Variants in CHD6 observed in about 807,000 individuals in gnomAD.
The protein encoded by CHD6 is chromodomain helicase DNA binding protein 6.
A neutral mutation model predicts 276.9 loss-of-function variants in CHD6; 50 were observed. That is an observed-to-expected ratio of 0.18 (90% CI 0.14 to 0.23). The LOEUF is 0.23. Among genes scored for constraint, CHD6 ranks in the 10% least tolerant of loss-of-function variants. CHD6 has a pLI of 1.00. For missense variants in CHD6, 2,564 were observed against 3,365.8 expected (o/e 0.76, Z 5.89); for synonymous variants, 1,173 against 1,229.3 (o/e 0.95, Z 0.96).
chr20:41,500,400 A>G (rs892863130), intron 5 of CHD6, among the ~76,000 whole-genome samples: 2 of 152,196 alleles, frequency 1.3e-5, no homozygotes, highest in African/African-American at 4.8e-5. Flanking sequence ...CATATGGCAG[A>G]AAAGAATTAT....
intron 5 of CHD6, among the ~76,000 whole-genome samples, chr20:41,506,496 C>CA (rs2043979972): frequency 6.6e-6 from 1 of 152,148 alleles, no homozygotes; most frequent in Non-Finnish European, 1.5e-5. Flanking sequence ...ATTATTTGCT[C>CA]AAATATTATA....
intron 1 of CHD6, among the ~76,000 whole-genome samples, chr20:41,612,076 G>A (rs2045892895): frequency 6.6e-6 from 1 of 151,908 alleles, no homozygotes; most frequent in Admixed American, 6.6e-5. Context: ...TGAATTTCCA[G>A]GAAAAAATAA....
intron 1 of CHD6, among the ~76,000 whole-genome samples, chr20:41,571,974 T>C (rs982726197): frequency 1.3e-5 from 2 of 152,208 alleles, no homozygotes; most frequent in East Asian, 1.9e-4. Flanking sequence ...CTTCTAACAA[T>C]GTAGATTAGT....
At chr20:41,594,724 C>A (rs1601179485) in intron 1 of CHD6, among the ~76,000 whole-genome samples, 2 of 152,314 alleles carry the variant, frequency 1.3e-5, no homozygotes, top group Admixed American at 6.5e-5. Flanking sequence ...CTGTAAACAA[C>A]CCTTCCCAAC....
At chr20:41,515,171 T>C (rs1026174402) in intron 3 of CHD6, among the ~76,000 whole-genome samples, 1 of 152,188 alleles carries the variant, frequency 6.6e-6, no homozygotes, top group Non-Finnish European at 1.5e-5. Context: ...ATGACTATTA[T>C]AGCTACAATT....
intron 22 of CHD6, among the ~76,000 whole-genome samples, chr20:41,451,508 C>T (rs374277520): frequency 6.6e-6 from 1 of 152,144 alleles, no homozygotes; most frequent in South Asian, 2.1e-4. Flanking sequence ...GGGACAGGGA[C>T]AGGATGGTGA....
intron 1 of CHD6, among the ~76,000 whole-genome samples, chr20:41,564,892 G>T (rs1419205102): frequency 6.6e-6 from 1 of 152,068 alleles, no homozygotes; most frequent in Admixed American, 6.5e-5. Flanking sequence ...ATGTAATGGG[G>T]AGCCATTAAT....
At chr20:41,483,549 C>T (rs575484453) in intron 15 of CHD6, 30 bp from the exon 16 acceptor site, 13 of 1,485,726 alleles carry the variant, frequency 8.7e-6, no homozygotes, top group South Asian at 7.2e-5. Flanking sequence ...AACTATTCCT[C>T]GGACAGAATA....
chr20:41,428,372 G>C (rs567663019), intron 27 of CHD6, among the ~76,000 whole-genome samples: 1 of 152,172 alleles, frequency 6.6e-6, no homozygotes, highest in Non-Finnish European at 1.5e-5. Flanking sequence ...AGCATGCAGA[G>C]GCCCTGCATC....
chr20:41,520,854 C>A (rs1275627093), intron 3 of CHD6, among the ~76,000 whole-genome samples: 1 of 151,658 alleles, frequency 6.6e-6, no homozygotes, highest in African/African-American at 2.4e-5. Flanking sequence ...AACTGATAGG[C>A]AATGATTTCT....
chr20:41,453,011 AT>A (rs2048284937), intron 20 of CHD6, 69 bp from the exon 21 acceptor site: 15 of 1,256,538 alleles, frequency 1.2e-5, no homozygotes, highest in Admixed American at 3.6e-5. Flanking sequence ...GCATAAGTGT[AT>A]CCTCAGGACA....
At chr20:41,571,812 G>A (rs1370415255) in intron 1 of CHD6, among the ~76,000 whole-genome samples, 2 of 151,858 alleles carry the variant, frequency 1.3e-5, no homozygotes, top group Non-Finnish European at 2.9e-5. Context: ...AAATTTTAAT[G>A]AAATATAATA....
At chr20:41,477,245 TATAA>T (rs369152941) in intron 16 of CHD6, among the ~76,000 whole-genome samples, 16 of 151,762 alleles carry the variant, frequency 1.1e-4, no homozygotes, top group Middle Eastern at 3.2e-3. Context: ...TGTCTCTAAA[TATAA>T]ATAAATAAAT....
chr20:41,538,552 T>C (rs2044880304), intron 2 of CHD6, among the ~76,000 whole-genome samples: 2 of 152,144 alleles, frequency 1.3e-5, no homozygotes, highest in South Asian at 4.1e-4. Flanking sequence ...TGAAATTAAA[T>C]AGTGGCGATG....
At chr20:41,523,507 T>C (rs1157822345) in intron 3 of CHD6, among the ~76,000 whole-genome samples, 3 of 152,168 alleles carry the variant, frequency 2.0e-5, no homozygotes, top group African/African-American at 4.8e-5. Context: ...TCCCAATCAG[T>C]TATATCATAC....
intron 1 of CHD6, among the ~76,000 whole-genome samples, chr20:41,557,805 T>C (rs1025785539): frequency 6.6e-6 from 1 of 152,150 alleles, no homozygotes; most frequent in Non-Finnish European, 1.5e-5. Flanking sequence ...TCAGGCACTT[T>C]GAGACAGAGT....
At chr20:41,600,774 G>A (rs1166823567) in intron 1 of CHD6, among the ~76,000 whole-genome samples, 1 of 152,048 alleles carries the variant, frequency 6.6e-6, no homozygotes, top group African/African-American at 2.4e-5. Context: ...CAAAGTTTTG[G>A]GCTGGAGCTA....
chr20:41,480,534 C>G (rs2043270941), intron 16 of CHD6, among the ~76,000 whole-genome samples: 2 of 152,154 alleles, frequency 1.3e-5, no homozygotes, highest in Non-Finnish European at 2.9e-5. Flanking sequence ...TAACCTAACT[C>G]AAAGTATTAT....
intron 36 of CHD6, among the ~76,000 whole-genome samples, chr20:41,406,058 GA>G (rs1403200004): frequency 2.0e-5 from 3 of 152,194 alleles, no homozygotes; most frequent in Non-Finnish European, 4.4e-5. Context: ...TAGAGTCACG[GA>G]AAGTGACGTG....
Sources: allele counts gnomAD v4.1 joint callset (sites outside exome capture counted in the v4.1 genomes callset), GRCh38; gene constraint gnomAD v4.1.1; transcripts MANE v1.5; gene names NCBI Gene and HGNC (gene_info 2026-07-23, HGNC 2026-07-21).